Variants in POFUT3 observed in about 807,000 individuals in gnomAD.
The protein encoded by POFUT3 is protein O-fucosyltransferase 3.
chr8:33,386,214 A>AAAAAAAAAT, the POFUT3 span, among the ~76,000 whole-genome samples: 3 of 149,784 alleles, frequency 2.0e-5, no homozygotes, highest in African/African-American at 5.0e-5. Context: ...AAAAAAAAAA[A>AAAAAAAAAT]GTGGTCTAAT....
the POFUT3 span, among the ~76,000 whole-genome samples, chr8:33,423,031 G>A: frequency 3.3e-5 from 5 of 151,818 alleles, no homozygotes; most frequent in East Asian, 1.9e-4. Flanking sequence ...TGCCCAGGCT[G>A]GTCTTGAACT....
chr8:33,308,772 G>A, the POFUT3 span, among the ~76,000 whole-genome samples: 2 of 151,880 alleles, frequency 1.3e-5, no homozygotes, highest in East Asian at 1.9e-4. Context: ...AAGGGCCCTC[G>A]TGACTGGGCC....
the POFUT3 span, among the ~76,000 whole-genome samples, chr8:33,397,874 A>T: frequency 2.0e-5 from 3 of 152,204 alleles, no homozygotes; most frequent in Non-Finnish European, 2.9e-5. Flanking sequence ...TGCAGTCAAC[A>T]TATCTGGAGA....
At chr8:33,471,088 AAACTT>A in the POFUT3 span, among the ~76,000 whole-genome samples, 1 of 152,240 alleles carries the variant, frequency 6.6e-6, no homozygotes, top group African/African-American at 2.4e-5. Flanking sequence ...ATTTTAAGAT[AAACTT>A]AACTTCTAAA....
the POFUT3 span, among the ~76,000 whole-genome samples, chr8:33,393,696 G>A: frequency 9.1e-4 from 139 of 152,286 alleles, no homozygotes; most frequent in African/African-American, 3.2e-3. Context: ...GGACAAGAAC[G>A]TCTGACCAGC....
the POFUT3 span, among the ~76,000 whole-genome samples, chr8:33,385,031 TA>T: frequency 6.6e-6 from 1 of 152,238 alleles, no homozygotes; most frequent in East Asian, 1.9e-4. Flanking sequence ...GAATAGCCTA[TA>T]AATAGCTCAG....
the POFUT3 span, among the ~76,000 whole-genome samples, chr8:33,471,858 T>C: frequency 6.6e-6 from 1 of 152,160 alleles, no homozygotes; most frequent in Non-Finnish European, 1.5e-5. Context: ...AATTTCGAAA[T>C]TGGAAGACCT....
the POFUT3 span, among the ~76,000 whole-genome samples, chr8:33,337,624 TACC>T: frequency 1.4e-5 from 2 of 141,764 alleles, no homozygotes; most frequent in East Asian, 4.4e-4. Context: ...GGGACATTAC[TACC>T]AATTTTACAG....
the POFUT3 span, among the ~76,000 whole-genome samples, chr8:33,435,458 T>G: frequency 6.6e-6 from 1 of 152,102 alleles, no homozygotes; most frequent in East Asian, 1.9e-4. Context: ...CTTTATGATC[T>G]GCCCACCTCG....
chr8:33,366,982 G>C, the POFUT3 span, among the ~76,000 whole-genome samples: 1 of 152,110 alleles, frequency 6.6e-6, no homozygotes, highest in Non-Finnish European at 1.5e-5. Flanking sequence ...GGTGGCTCAT[G>C]CCTGTAATCC....
the POFUT3 span, among the ~76,000 whole-genome samples, chr8:33,349,159 T>C: frequency 1.3e-5 from 2 of 152,212 alleles, no homozygotes; most frequent in African/African-American, 4.8e-5. Flanking sequence ...TGGCTACCAG[T>C]GCCAGATAGC....
chr8:33,460,733 T>C, the POFUT3 span: 2 of 985,386 alleles, frequency 2.0e-6, no homozygotes, highest in Non-Finnish European at 2.4e-6. Flanking sequence ...ATGACTTTGT[T>C]TCTGCCTGAC....
chr8:33,318,444 A>G, the POFUT3 span, among the ~76,000 whole-genome samples: 2 of 142,180 alleles, frequency 1.4e-5, no homozygotes, highest in African/African-American at 2.6e-5. Flanking sequence ...ATGTATTTAT[A>G]TGTGTGTGTG....
chr8:33,323,532 T>C, the POFUT3 span, among the ~76,000 whole-genome samples: 1 of 152,208 alleles, frequency 6.6e-6, no homozygotes, highest in African/African-American at 2.4e-5. Flanking sequence ...GGGACCCTGA[T>C]ATATTGCACA....
At chr8:33,364,449 G>A in the POFUT3 span, among the ~76,000 whole-genome samples, 1 of 151,636 alleles carries the variant, frequency 6.6e-6, no homozygotes, top group African/African-American at 2.4e-5. Context: ...AAGAAATAAA[G>A]GGTATTCAAT....
At chr8:33,373,448 A>G in the POFUT3 span, among the ~76,000 whole-genome samples, 1 of 152,182 alleles carries the variant, frequency 6.6e-6, no homozygotes, top group African/African-American at 2.4e-5. Context: ...GGTACCTGAC[A>G]TTGGCATAAT....
At chr8:33,386,372 G>C in the POFUT3 span, among the ~76,000 whole-genome samples, 1 of 152,090 alleles carries the variant, frequency 6.6e-6, no homozygotes, top group Non-Finnish European at 1.5e-5. Flanking sequence ...AATCAGAGCA[G>C]GCTGGAGAAA....
chr8:33,471,492 C>T, the POFUT3 span, among the ~76,000 whole-genome samples: 1 of 152,084 alleles, frequency 6.6e-6, no homozygotes, highest in African/African-American at 2.4e-5. Context: ...TCTCGTGATC[C>T]GCCCGCCTCG....
At chr8:33,459,334 C>G in the POFUT3 span, among the ~76,000 whole-genome samples, 158 of 150,914 alleles carry the variant, frequency 1.0e-3, 2 homozygotes, top group Admixed American at 1.1e-3. Flanking sequence ...AAGCAAAACT[C>G]CACTCAAAAA....
Sources: allele counts gnomAD v4.1 joint callset (sites outside exome capture counted in the v4.1 genomes callset), GRCh38; gene constraint gnomAD v4.1.1; transcripts MANE v1.5; gene names NCBI Gene and HGNC (gene_info 2026-07-23, HGNC 2026-07-21).